SDHAF3: variants seen among roughly 807,000 people sequenced by gnomAD.
The protein encoded by SDHAF3 is succinate dehydrogenase complex assembly factor 3, also known as succinate dehydrogenase assembly factor 3, mitochondrial.
SDHAF3 carries 18 observed loss-of-function variants against 11.5 expected under a neutral mutation model. The observed-to-expected ratio is 1.56, with a 90% CI of 1.08 to 2.32. The LOEUF (loss-of-function observed/expected upper bound fraction) is 2.32, where lower values mean the gene tolerates loss of function less well. SDHAF3 is among the 30% of genes most tolerant of loss of function. SDHAF3 has a pLI of 0.00. For missense variants in SDHAF3, 200 were observed against 154.4 expected, an observed-to-expected ratio of 1.30 and a Z score of -1.57; for synonymous variants, 72 against 59.3, an observed-to-expected ratio of 1.21 and a Z score of -0.99.
intron 1 of SDHAF3, among the ~76,000 whole-genome samples, chr7:97,142,093 G>A (rs112267755): frequency 5.4e-5 from 6 of 111,630 alleles, no homozygotes; most frequent in Non-Finnish European, 9.8e-5. Flanking sequence ...TCGCCCTGTT[G>A]CCTGGGCTGG....
chr7:97,166,356 C>G (rs746305062), intron 1 of SDHAF3, among the ~76,000 whole-genome samples: 4 of 152,074 alleles, frequency 2.6e-5, no homozygotes, highest in Non-Finnish European at 4.4e-5. Context: ...GCGGGAAGAA[C>G]TCAAATTGGG....
chr7:97,148,829 C>CGAG (rs1789173804), intron 1 of SDHAF3, among the ~76,000 whole-genome samples: 1 of 151,972 alleles, frequency 6.6e-6, no homozygotes, highest in African/African-American at 2.4e-5. Flanking sequence ...TTGTGCTTCT[C>CGAG]AGTGTAATAT....
intron 1 of SDHAF3, among the ~76,000 whole-genome samples, chr7:97,165,793 G>A (rs1789494833): frequency 6.6e-6 from 1 of 152,142 alleles, no homozygotes; most frequent in South Asian, 2.1e-4. Context: ...GTGAATACAG[G>A]TTTTAGCTGG....
chr7:97,155,610 T>C (rs907686740), intron 1 of SDHAF3, among the ~76,000 whole-genome samples: 1 of 152,226 alleles, frequency 6.6e-6, no homozygotes, highest in Non-Finnish European at 1.5e-5. Context: ...ATTACTTGTT[T>C]GCTTTCCCAC....
intron 1 of SDHAF3, among the ~76,000 whole-genome samples, chr7:97,128,330 T>C (rs1791608283): frequency 6.6e-6 from 1 of 152,228 alleles, no homozygotes; most frequent in Admixed American, 6.5e-5. Context: ...AAGATATTAC[T>C]ACTTAGGAAT....
At chr7:97,165,325 AT>A (rs1158836561) in intron 1 of SDHAF3, among the ~76,000 whole-genome samples, 2 of 148,082 alleles carry the variant, frequency 1.4e-5, no homozygotes, top group Admixed American at 6.7e-5. Context: ...TTGACTTCAC[AT>A]CAATTAAGGT....
At chr7:97,139,051 G>A (rs575881584) in intron 1 of SDHAF3, among the ~76,000 whole-genome samples, 9 of 152,330 alleles carry the variant, frequency 5.9e-5, no homozygotes, top group Admixed American at 3.3e-4. Context: ...GCAGTGCCTC[G>A]AGGGCTGGCC....
chr7:97,144,160 C>CT, intron 1 of SDHAF3, among the ~76,000 whole-genome samples: 1 of 151,752 alleles, frequency 6.6e-6, no homozygotes, highest in Middle Eastern at 3.4e-3. Context: ...TACTTACATT[C>CT]TTTACTCTTT....
intron 1 of SDHAF3, among the ~76,000 whole-genome samples, chr7:97,147,128 TTTAG>T (rs1183175320): frequency 2.6e-5 from 4 of 152,238 alleles, no homozygotes; most frequent in Admixed American, 2.0e-4. Context: ...ATTATCTGTA[TTTAG>T]GATTATTTTA....
At chr7:97,154,540 T>C (rs1305014547) in intron 1 of SDHAF3, among the ~76,000 whole-genome samples, 2 of 152,214 alleles carry the variant, frequency 1.3e-5, no homozygotes, top group Non-Finnish European at 2.9e-5. Flanking sequence ...TTGTCAGTTA[T>C]GTGGTTTGCA....
intron 1 of SDHAF3, chr7:97,135,666 G>GTATA (rs1791750539): frequency 3.7e-5 from 3 of 80,608 alleles, no homozygotes; most frequent in Non-Finnish European, 6.4e-5. Context: ...GTGTGTGTGT[G>GTATA]TGTATATATA....
In SDHAF3 at chr7:97,126,628, A is replaced by G. The variant is rs375780272; in HGVS notation, c.174+8731A>G. On this transcript the variant is annotated intron_variant, in intron 1 of 1. Coordinates refer to ENST00000432641, the MANE Select transcript of SDHAF3 (RefSeq NM_020186.3). The stretch of plus-strand genomic sequence containing the variant: ...GAAAACAGCCTACTCAAGCCTCAGT[A>G]ATGGCAGATGCCCCTCCCCCCACCA... 2.1e-4 allele frequency among the ~76,000 whole-genome samples: 32 copies of G among 152,170 alleles called. No individual in the cohort carries two copies. The East Asian group carries it at 5.8e-3, about 28-fold the overall frequency.
intron 1 of SDHAF3, among the ~76,000 whole-genome samples, chr7:97,140,107 A>G (rs767279888): frequency 8.6e-5 from 13 of 152,016 alleles, no homozygotes; most frequent in Admixed American, 2.0e-4. Context: ...CATGAATTCT[A>G]TGTTCTAGTC....
intron 1 of SDHAF3, among the ~76,000 whole-genome samples, chr7:97,173,495 G>A (rs891347849): frequency 2.0e-5 from 3 of 150,820 alleles, no homozygotes; most frequent in Admixed American, 6.6e-5. Flanking sequence ...GTATTTTAAC[G>A]TAGACTCTTT....
intron 1 of SDHAF3, among the ~76,000 whole-genome samples, chr7:97,146,843 G>C (rs967925790): frequency 6.7e-6 from 1 of 149,478 alleles, no homozygotes; most frequent in African/African-American, 2.5e-5. Flanking sequence ...CCAGAGTGCA[G>C]TGGCGCAATC....
chr7:97,165,251 C>T (rs1460537520), intron 1 of SDHAF3, among the ~76,000 whole-genome samples: 1 of 151,908 alleles, frequency 6.6e-6, no homozygotes, highest in African/African-American at 2.4e-5. Context: ...CGTGCCACTG[C>T]ACTCCAGTCT....
intron 1 of SDHAF3, among the ~76,000 whole-genome samples, chr7:97,118,257 T>C (rs1433542231): frequency 6.6e-6 from 1 of 152,188 alleles, no homozygotes; most frequent in African/African-American, 2.4e-5. Flanking sequence ...ATTAATAAAT[T>C]AATGGTTCTC....
Position 97,181,618 on chromosome 7 carries a change from C to CTAGTT in SDHAF3, c.*406_*410dup, listed in dbSNP as rs1789777399. 1 of 160,072 alleles carries CTAGTT rather than the reference C, an allele frequency of 6.2e-6. No homozygotes were observed. Among genetic ancestry groups the CTAGTT allele is most frequent in the Non-Finnish European group, 1.4e-5 (1 of 72,614 alleles). 9.9% of individuals were successfully genotyped at this position (160,072 alleles called of 1,614,324 possible). The stretch of plus-strand genomic sequence containing the variant: ...TGTCATTCTGAACATTTTATCACTT[C>CTAGTT]TAGTTTAATAATACATACATGATTT... On this transcript the variant is annotated 3_prime_UTR_variant, in exon 2 of 2. Transcript: ENST00000432641.
chr7:97,130,222 A>G (rs1459815191), intron 1 of SDHAF3, among the ~76,000 whole-genome samples: 1 of 151,100 alleles, frequency 6.6e-6, no homozygotes, highest in African/African-American at 2.4e-5. Flanking sequence ...CAGTGAGCCC[A>G]CACAGTGCCA....
Sources: gnomAD v4.1 joint callset for allele counts (sites outside exome capture counted in the v4.1 genomes callset) on GRCh38, gnomAD v4.1.1 for gene constraint, MANE v1.5 for transcripts, NCBI Gene and HGNC (gene_info 2026-07-23, HGNC 2026-07-21) for gene names.